Variants in AIG1 observed in about 807,000 individuals in gnomAD.
AIG1 encodes the protein androgen-induced gene 1 protein.
Under a neutral mutation model 31.4 loss-of-function variants are expected in AIG1, and 23 were observed. That is an observed-to-expected ratio of 0.73 (90% confidence interval 0.53 to 1.04). The LOEUF (loss-of-function observed/expected upper bound fraction) is 1.04, where lower values mean the gene tolerates loss of function less well. Ranked by LOEUF, AIG1 falls within the 50% of genes least tolerant of loss-of-function variation. The pLI is 0.00. For synonymous variants in AIG1, 100 were observed against 110.5 expected (o/e 0.90, Z 0.60); for missense variants, 274 against 295.0 (o/e 0.93, Z 0.52).
chr6:143,086,495 T>G (rs1012232512), intron 1 of AIG1, among the ~76,000 whole-genome samples: 2 of 152,070 alleles, frequency 1.3e-5, no homozygotes, highest in African/African-American at 4.8e-5. Context: ...AAGTACTGGG[T>G]CATCAGTTCT....
intron 4 of AIG1, among the ~76,000 whole-genome samples, chr6:143,308,909 A>G (rs1360732099): frequency 2.6e-5 from 4 of 152,104 alleles, no homozygotes; most frequent in African/African-American, 9.7e-5. Context: ...TAACATCCAT[A>G]GGGGTGTGTA....
rs182305620 is a variant in AIG1, at chr6:143,169,085, C to A, written c.399+3902C>A. On this transcript the variant is annotated intron_variant, in intron 3 of 5. Coordinates refer to ENST00000357847, the MANE Select transcript of AIG1 (RefSeq NM_016108.4). The stretch of plus-strand genomic sequence containing the variant: ...ATATGTTTTACTACTTATCCAATCA[C>A]ATATTTTCTATTTTGTTTTATAAAA... Among the ~76,000 whole-genome samples the A allele has an allele frequency of 4.0e-3, 612 of 151,714 alleles. 5 individuals carry two copies. Among genetic ancestry groups the A allele is most frequent in the African/African-American group, 0.014 (570 of 41,446 alleles).
intron 2 of AIG1, among the ~76,000 whole-genome samples, chr6:143,143,829 A>G (rs1784498787): frequency 1.3e-5 from 2 of 152,106 alleles, no homozygotes; most frequent in Admixed American, 1.3e-4. Context: ...GAAGGTTTAT[A>G]GATGAGGATT....
intron 4 of AIG1, among the ~76,000 whole-genome samples, chr6:143,308,230 T>C (rs1289425462): frequency 6.6e-6 from 1 of 152,220 alleles, no homozygotes; most frequent in Non-Finnish European, 1.5e-5. Context: ...GTGCCCACTG[T>C]CTGGCACTCC....
chr6:143,067,001 C>T (rs13218511), intron 1 of AIG1, among the ~76,000 whole-genome samples: 1 of 152,096 alleles, frequency 6.6e-6, no homozygotes, highest in African/African-American at 2.4e-5. Context: ...AAGGCTCCCA[C>T]TACAAAAAAT....
upstream of AIG1, among the ~76,000 whole-genome samples, chr6:143,060,102 T>G (rs987011329): frequency 3.3e-5 from 5 of 152,244 alleles, no homozygotes; most frequent in Non-Finnish European, 7.3e-5. Context: ...TTGAAAATCC[T>G]TTCTTTATAG....
chr6:143,215,200 A>G (rs527896515), intron 3 of AIG1, among the ~76,000 whole-genome samples: 1 of 152,168 alleles, frequency 6.6e-6, no homozygotes, highest in Non-Finnish European at 1.5e-5. Context: ...GATAAAATAA[A>G]TAGTATTTAT....
intron 1 of AIG1, among the ~76,000 whole-genome samples, chr6:143,067,213 TTTGA>T (rs1776794973): frequency 6.6e-6 from 1 of 152,162 alleles, no homozygotes; most frequent in African/African-American, 2.4e-5. Context: ...AGATAATGTC[TTTGA>T]TTGGTTTTTA....
intron 1 of AIG1, among the ~76,000 whole-genome samples, chr6:143,117,750 A>G (rs1440913285): frequency 6.6e-6 from 1 of 152,156 alleles, no homozygotes; most frequent in Non-Finnish European, 1.5e-5. Flanking sequence ...TGCAAAAGAG[A>G]AGAGCTCCAA....
At chr6:143,136,419 T>G (rs770743316) in intron 1 of AIG1, among the ~76,000 whole-genome samples, 3 of 152,224 alleles carry the variant, frequency 2.0e-5, no homozygotes, top group Non-Finnish European at 4.4e-5. Context: ...TGTTTTCACT[T>G]CTTAGATATT....
intron 3 of AIG1, among the ~76,000 whole-genome samples, chr6:143,192,873 G>T (rs1789916954): frequency 6.6e-6 from 1 of 152,332 alleles, no homozygotes; most frequent in East Asian, 1.9e-4. Flanking sequence ...ACAGAGGGTG[G>T]ATCTGGAGAG....
In AIG1 at chr6:143,136,975, CT is replaced by C. The variant is rs1783816355; in HGVS notation, c.285del (p.Pro96LeufsTer7). The C allele has an allele frequency of 6.9e-7, 1 of 1,444,644 alleles. No homozygotes were observed. Among genetic ancestry groups the C allele is most frequent in the South Asian group, 1.6e-5 (1 of 63,958 alleles). The allele number at this position is 1,444,644 out of a possible 1,614,324, so 89.5% of individuals were successfully genotyped here. A position where few individuals can be genotyped will look rare whatever the true frequency, so the allele number is the denominator to read the frequency against. On this transcript the variant is annotated frameshift_variant, in exon 2 of 6. Coordinates refer to ENST00000357847, the MANE Select transcript of AIG1 (RefSeq NM_016108.4). LOFTEE classifies it high-confidence loss of function. Reference sequence around the variant, plus strand: ...GGGACTGGATGTTAGCTGTGTTGGCCTTTCCTGTTGGGGTTGTGAGTATGAT... The same window carrying C: ...GGGACTGGATGTTAGCTGTGTTGGCCTTCCTGTTGGGGTTGTGAGTATGAT... ...LRDWMLAVLAFPVGVFVVAVF... is the reference protein window; with the variant it reads ...LRDWMLAVLAXPVGVFVVAVF...
chr6:143,282,496 G>A (rs1797402777), intron 3 of AIG1, among the ~76,000 whole-genome samples: 2 of 152,144 alleles, frequency 1.3e-5, no homozygotes, highest in Non-Finnish European at 2.9e-5. Flanking sequence ...TCTTTAAAAT[G>A]CATACTGTCT....
At chr6:143,163,061 G>A (rs998855026) in intron 2 of AIG1, among the ~76,000 whole-genome samples, 14 of 152,162 alleles carry the variant, frequency 9.2e-5, no homozygotes, top group African/African-American at 3.1e-4. Flanking sequence ...AGATCAGAGT[G>A]AGACCTGGGA....
intron 1 of AIG1, among the ~76,000 whole-genome samples, chr6:143,092,821 G>A (rs148884386): frequency 3.3e-5 from 5 of 152,236 alleles, no homozygotes; most frequent in African/African-American, 9.6e-5. Flanking sequence ...AGTCTGAGGC[G>A]GGAGGATTGC....
At chr6:143,313,221 A>G (rs1453312461) in intron 4 of AIG1, among the ~76,000 whole-genome samples, 1 of 152,152 alleles carries the variant, frequency 6.6e-6, no homozygotes, top group Non-Finnish European at 1.5e-5. Context: ...AAAAGAAAGG[A>G]AATTAGTATA....
rs1185407478 is a variant in AIG1 at position 143,326,326 on chromosome 6, TC to T, written c.516-6955del. Among the ~76,000 whole-genome samples, 1 of 152,212 alleles carries T rather than the reference TC, an allele frequency of 6.6e-6. No individual in the cohort carries two copies. The highest frequency in any genetic ancestry group is 2.4e-5 in the African/African-American group (1 of 41,446). ...TCTCTTCTTGAACTTCTGGGAGCGT[TC>T]TCTTGTTCTCAGTTCTTTAGACATG... On this transcript the variant is annotated intron_variant, in intron 4 of 5. Coordinates refer to ENST00000357847, the MANE Select transcript of AIG1 (RefSeq NM_016108.4). The surrounding 1 kb of genome is among the most constrained non-coding windows in gnomAD (Gnocchi z 4.5).
At chr6:143,320,026 AT>A (rs953210749) in intron 4 of AIG1, among the ~76,000 whole-genome samples, 4 of 152,180 alleles carry the variant, frequency 2.6e-5, no homozygotes, top group African/African-American at 7.2e-5. Context: ...TAGCAAAAAA[AT>A]AAATAAAAAA....
At chr6:143,203,258 G>A (rs1025827608) in intron 3 of AIG1, among the ~76,000 whole-genome samples, 1 of 152,150 alleles carries the variant, frequency 6.6e-6, no homozygotes, top group East Asian at 1.9e-4. Context: ...CAGTCCTGTG[G>A]CCAGGATTCT....
Sources: allele counts gnomAD v4.1 joint callset (sites outside exome capture counted in the v4.1 genomes callset), GRCh38; gene constraint gnomAD v4.1.1; non-coding constraint Gnocchi (gnomAD v3.1); transcripts MANE v1.5; gene names NCBI Gene and HGNC (gene_info 2026-07-23, HGNC 2026-07-21).